The following COL11A1 variants were observed in gnomAD, a reference collection of about 807,000 sequenced individuals.
COL11A1 encodes the protein collagen type XI alpha 1 chain.
Under a neutral mutation model 265.2 loss-of-function variants are expected in COL11A1, and 74 were observed. The ratio of observed to expected loss-of-function variants is 0.28; its 90% CI spans 0.23 to 0.34. The LOEUF (loss-of-function observed/expected upper bound fraction) is 0.34, where lower values mean the gene tolerates loss of function less well. Among genes scored for constraint, COL11A1 ranks in the 10% least tolerant of loss-of-function variants. COL11A1 has a pLI of 1.00. For missense variants in COL11A1, 2,165 were observed against 2,263.6 expected, an observed-to-expected ratio of 0.96 and a Z score of 0.88; for synonymous variants, 816 against 727.6, an observed-to-expected ratio of 1.12 and a Z score of -1.96.
chr1:102,946,463 A>T (rs2622863), intron 42 of COL11A1, among the ~76,000 whole-genome samples: 13 of 151,960 alleles, frequency 8.6e-5, no homozygotes, highest in African/African-American at 3.1e-4. Context: ...AGTCTTATTT[A>T]CAGACTATGG....
chr1:102,939,185 A>G (rs1231879126), intron 43 of COL11A1, 97 bp from the exon 44 acceptor site: 8 of 1,087,406 alleles, frequency 7.4e-6, no homozygotes. Context: ...TAATATAATT[A>G]CATGCTAGTG....
intron 42 of COL11A1, among the ~76,000 whole-genome samples, chr1:102,943,821 T>TC (rs1658993318): frequency 6.6e-6 from 1 of 152,054 alleles, no homozygotes; most frequent in South Asian, 2.1e-4. Context: ...ATCTAGCTCT[T>TC]CCCCCCAATT....
At chr1:102,878,949 A>C (rs188018564) in intron 66 of COL11A1, among the ~76,000 whole-genome samples, 1 of 152,254 alleles carries the variant, frequency 6.6e-6, no homozygotes, top group Admixed American at 6.5e-5. Flanking sequence ...CTATATGTTA[A>C]TTTTATGAAT....
Position 103,088,176 on chromosome 1 carries a change from C to T in COL11A1, c.107-5204G>A, listed in dbSNP as rs538052626. On this transcript the variant is annotated intron_variant, in intron 1 of 66. Transcript: ENST00000370096. ...TTCCTTCTCTAAGCTTCTTTGCACA[C>T]TCCCATGACCAGTAGTGAACCGCAT... Among the ~76,000 whole-genome samples the T allele has an allele frequency of 2.6e-4, 39 of 152,284 alleles. 1 individual carries two copies. In the South Asian group the frequency reaches 7.5e-3, roughly 29 times the overall value.
rs558277216 is a variant in COL11A1, at chr1:102,991,263, A to G, written c.2341-1692T>C. Among the ~76,000 whole-genome samples the G allele has an allele frequency of 1.1e-4, 16 of 152,212 alleles. No homozygotes were observed. The South Asian group carries it at 3.3e-3, about 32-fold the overall frequency. The stretch of plus-strand genomic sequence containing the variant: ...ATGAATTTGATTTGATAATTTCAGA[A>G]AAGAACATTTTGGGCTGTGTATGAA... On this transcript the variant is annotated intron_variant, in intron 28 of 66. Transcript: ENST00000370096.
Position 102,987,711 on chromosome 1 carries a change from C to G in COL11A1, c.2424G>C (p.Gly808=). 3.7e-6 allele frequency: 6 copies of G among 1,613,560 alleles called. No individual in the cohort carries two copies. Among genetic ancestry groups the G allele is most frequent in the Non-Finnish European group, 4.2e-6 (5 of 1,179,696 alleles). Reference sequence around the variant, plus strand: ...CTTTGGGTCCTTCAGGGCCATCTTCCCCTCTTGGGCCAATTTGACCAACTT... The same window carrying G: ...CTTTGGGTCCTTCAGGGCCATCTTCGCCTCTTGGGCCAATTTGACCAACTT... ...RGEVGQIGPR[G]EDGPEGPKGR... The change falls in exon 30 of 67, where the codon GGG becomes GGC. Residue 808 remains glycine, a synonymous_variant. Coordinates refer to ENST00000370096, the MANE Select transcript of COL11A1 (RefSeq NM_001854.4).
intron 54 of COL11A1, among the ~76,000 whole-genome samples, chr1:102,901,742 A>C (rs1458117703): frequency 6.6e-6 from 1 of 152,186 alleles, no homozygotes; most frequent in African/African-American, 2.4e-5. Flanking sequence ...TTTTCTACTC[A>C]AGAGAACTAT....
At chr1:103,089,663 G>T (rs992149752) in intron 1 of COL11A1, among the ~76,000 whole-genome samples, 1 of 152,192 alleles carries the variant, frequency 6.6e-6, no homozygotes, top group African/African-American at 2.4e-5. Flanking sequence ...AATCAATGGA[G>T]AAATGTTTAA....
At chr1:102,929,637 T>G (rs899750810) in intron 46 of COL11A1, among the ~76,000 whole-genome samples, 2 of 152,118 alleles carry the variant, frequency 1.3e-5, no homozygotes, top group Non-Finnish European at 2.9e-5. Flanking sequence ...AGAAAGGCAT[T>G]GGTAGCTTGA....
At chr1:103,090,361 G>A (rs1673220058) in intron 1 of COL11A1, among the ~76,000 whole-genome samples, 1 of 152,062 alleles carries the variant, frequency 6.6e-6, no homozygotes, top group Non-Finnish European at 1.5e-5. Flanking sequence ...GCTACTATGA[G>A]CATGTGGTAG....
intron 1 of COL11A1, among the ~76,000 whole-genome samples, chr1:103,093,001 CAAAAG>C (rs1167430326): frequency 1.3e-5 from 2 of 151,592 alleles, no homozygotes; most frequent in African/African-American, 2.4e-5. Context: ...CAGAAAAAGA[CAAAAG>C]AAAAGAAAGG....
chr1:103,005,056 T>C (rs767764854), intron 18 of COL11A1, among the ~76,000 whole-genome samples: 43 of 152,206 alleles, frequency 2.8e-4, no homozygotes, highest in Admixed American at 7.2e-4. Flanking sequence ...GTAATTTATA[T>C]TAAATCAGCA....
At chr1:103,047,834 G>C (rs1424748917) in intron 4 of COL11A1, among the ~76,000 whole-genome samples, 1 of 152,112 alleles carries the variant, frequency 6.6e-6, no homozygotes, top group Non-Finnish European at 1.5e-5. Context: ...TTTTGTCAAA[G>C]GCCTTTTCAG....
intron 26 of COL11A1, among the ~76,000 whole-genome samples, chr1:102,996,731 TG>T (rs1664665793): frequency 6.6e-6 from 1 of 151,952 alleles, no homozygotes; most frequent in Admixed American, 6.6e-5. Context: ...AATTAGATAA[TG>T]GTTACCAGAA....
At chr1:102,957,726 G>T (rs548994011) in intron 41 of COL11A1, among the ~76,000 whole-genome samples, 119 of 152,100 alleles carry the variant, frequency 7.8e-4, no homozygotes, top group Non-Finnish European at 1.4e-3. Flanking sequence ...GAAGGGTCAA[G>T]ATGACTTGAA....
intron 31 of COL11A1, among the ~76,000 whole-genome samples, chr1:102,982,848 T>C (rs943900827): frequency 6.6e-6 from 1 of 152,082 alleles, no homozygotes; most frequent in Admixed American, 6.6e-5. Flanking sequence ...CTCCCATAAT[T>C]ACATGTGAAA....
At position 103,006,280 on chromosome 1, in the gene COL11A1, C is replaced by T; in HGVS notation, c.1719G>A (p.Thr573=). Reference sequence around the variant, plus strand: ...GCCATACCCTTTTTCCAGGTTTTCCCGTTGGACCAGGGGGACCCTGGACGC... The same window carrying T: ...GCCATACCCTTTTTCCAGGTTTTCCTGTTGGACCAGGGGGACCCTGGACGC... The part of the protein sequence containing the change: ...PRGVQGPPGP[T]GKPGKRGRPG... The change falls in exon 16 of 67, where the codon ACG becomes ACA. Residue 573 remains threonine, a synonymous_variant. Coordinates refer to ENST00000370096, the MANE Select transcript of COL11A1 (RefSeq NM_001854.4). The T allele has an allele frequency of 1.9e-6, 3 of 1,609,260 alleles. No homozygotes were observed. The highest frequency in any genetic ancestry group is 1.1e-5 in the South Asian group (1 of 90,592).
At chr1:102,998,639 C>A (rs1570986110) in intron 24 of COL11A1, among the ~76,000 whole-genome samples, 1 of 151,650 alleles carries the variant, frequency 6.6e-6, no homozygotes, top group South Asian at 2.1e-4. Flanking sequence ...TTGAATACCA[C>A]AATAAACTGA....
chr1:103,073,153 A>G (rs1211380921), intron 4 of COL11A1, among the ~76,000 whole-genome samples: 1 of 151,822 alleles, frequency 6.6e-6, no homozygotes, highest in Non-Finnish European at 1.5e-5. Context: ...TTAATGTTTT[A>G]ATAGCTTCTC....
Sources: allele counts gnomAD v4.1 joint callset (sites outside exome capture counted in the v4.1 genomes callset), GRCh38; gene constraint gnomAD v4.1.1; transcripts MANE v1.5; gene names NCBI Gene and HGNC (gene_info 2026-07-23, HGNC 2026-07-21).